Variants in OSCP1 observed in about 807,000 individuals in gnomAD.
OSCP1 encodes protein OSCP1.
OSCP1 carries 35 observed loss-of-function variants against 45.1 expected under a neutral mutation model. That is an observed-to-expected ratio of 0.78 (90% CI 0.59 to 1.03). OSCP1 has a LOEUF of 1.03. OSCP1 is among the 50% of genes least tolerant of loss of function. OSCP1 has a pLI of 0.00. For synonymous variants in OSCP1, 179 were observed against 180.1 expected (o/e 0.99, Z 0.05); for missense variants, 400 against 470.7 (o/e 0.85, Z 1.39).
chr1:36,423,561 G>A, intron 4 of OSCP1, 95 bp from the exon 5 acceptor site: 1 of 957,488 alleles, frequency 1.0e-6, no homozygotes, highest in South Asian at 1.5e-5. Flanking sequence ...TTGGGAACAT[G>A]ACCTATGAGT....
intron 1 of OSCP1, chr1:36,439,119 A>C (rs6702784): frequency 0.051 from 22,719 of 448,010 alleles, 723 homozygotes; most frequent in Middle Eastern, 0.11. Flanking sequence ...ATTTCAGGGA[A>C]GACATAAATG....
intron 2 of OSCP1, among the ~76,000 whole-genome samples, chr1:36,438,317 CA>C (rs35430845): frequency 0.27 from 19,534 of 73,286 alleles, 1,305 homozygotes; most frequent in South Asian, 0.41. Context: ...AACTCCATCT[CA>C]AAAAAAAAAA....
At position 36,418,274 on chromosome 1, in the gene OSCP1, G is replaced by T. The variant is rs1240578753; in HGVS notation, c.1024-19C>A. 6.2e-7 allele frequency: 1 copy of T among 1,612,822 alleles called. No individual in the cohort carries two copies. The highest frequency in any genetic ancestry group is 8.5e-7 in the Non-Finnish European group (1 of 1,178,908). On this transcript the variant is annotated intron_variant, in intron 9 of 9. Transcript: ENST00000235532. ...GCTGGTCCTATGAGGGAAATGAGAG[G>T]TAAAAGGGCATGAAGAGGCTGTGCT... is the stretch of plus-strand genomic sequence containing the variant.
intron 4 of OSCP1, chr1:36,428,205 A>AAAG: frequency 1.5e-6 from 2 of 1,357,210 alleles, no homozygotes; most frequent in Non-Finnish European, 1.9e-6. Flanking sequence ...AAAAAAAAAA[A>AAAG]AAAAAGAAAG....
In OSCP1 at chr1:36,445,895, T is replaced by G. The variant is rs961355320; in HGVS notation, c.112+4363A>C. ...ATGCCGGCTAATTTTTTATTTTTAG[T>G]AGAGACGGGGTTTCTCCATGTTGGC... On this transcript the variant is annotated intron_variant, in intron 1 of 9. Transcript: ENST00000235532. Among the ~76,000 whole-genome samples, 179 of 152,082 alleles carry G rather than the reference T, an allele frequency of 1.2e-3. 3 individuals carry two copies. The highest frequency in any genetic ancestry group is 4.2e-4 in the South Asian group (2 of 4,810).
intron 1 of OSCP1, among the ~76,000 whole-genome samples, chr1:36,444,732 C>T (rs1433488697): frequency 9.9e-5 from 15 of 152,150 alleles, no homozygotes; most frequent in Admixed American, 7.9e-4. Flanking sequence ...CTAGAGAAAT[C>T]GGTGAGAATC....
At chr1:36,418,769 A>C (rs1003046987) in intron 9 of OSCP1, among the ~76,000 whole-genome samples, 5 of 151,868 alleles carry the variant, frequency 3.3e-5, no homozygotes, top group African/African-American at 4.8e-5. Context: ...ATACAAAAAA[A>C]AAAAAAAAAT....
At chr1:36,441,531 G>T (rs1032810103) in intron 1 of OSCP1, among the ~76,000 whole-genome samples, 10 of 149,324 alleles carry the variant, frequency 6.7e-5, no homozygotes, top group Non-Finnish European at 1.2e-4. Context: ...GGCGGATCAC[G>T]AAGTCAGGAG....
chr1:36,418,979 C>T lies in OSCP1; in HGVS notation c.1023+12G>A, dbSNP rs1157535847. ...GAATACGATTGGACCCTGTGTTATC[C>T]CCTGTACGTACCTGGGTGGCTTGTA... On this transcript the variant is annotated intron_variant, in intron 9 of 9. Transcript: ENST00000235532. The T allele has an allele frequency of 6.9e-6, 11 of 1,587,722 alleles. No individual in the cohort carries two copies. The highest frequency in any genetic ancestry group is 4.5e-5 in the East Asian group (2 of 44,744).
rs149754638 is a variant in OSCP1 at position 36,422,041 on chromosome 1, G to C, written c.819+109C>G. 1.0e-4 allele frequency: 106 copies of C among 1,052,230 alleles called. 1 individual carries two copies. In the African/African-American group the frequency reaches 1.4e-3, roughly 14 times the overall value. 65.2% of individuals were successfully genotyped at this position (1,052,230 alleles called of 1,614,324 possible). The stretch of plus-strand genomic sequence containing the variant: ...GGAATGGAGAAGATTGCACACAACA[G>C]GGGAAATGTTGGCTAGATCCGAAAT... On this transcript the variant is annotated intron_variant, in intron 7 of 9. Transcript: ENST00000235532.
intron 2 of OSCP1, among the ~76,000 whole-genome samples, chr1:36,436,794 T>G (rs1476595622): frequency 1.3e-5 from 2 of 152,190 alleles, no homozygotes; most frequent in African/African-American, 4.8e-5. Flanking sequence ...GGACACCACA[T>G]TCTATTCTGC....
intron 4 of OSCP1, chr1:36,428,415 C>A: frequency 6.2e-7 from 1 of 1,614,138 alleles, no homozygotes; most frequent in Non-Finnish European, 8.5e-7. Context: ...TTCCCCACTC[C>A]TGGAAGGCAA....
In OSCP1 at chr1:36,450,270, T is replaced by C. The variant is rs748897051; in HGVS notation, c.100A>G (p.Lys34Glu). The C allele has an allele frequency of 6.2e-7, 1 of 1,613,228 alleles. No individual in the cohort carries two copies. The highest frequency in any genetic ancestry group is 1.3e-5 in the African/African-American group (1 of 74,736). The change falls in exon 1 of 10, where the codon AAG becomes GAG. Residue 34 changes from lysine to glutamate, a missense_variant. Coordinates refer to ENST00000235532, the MANE Select transcript of OSCP1 (RefSeq NM_145047.5). ...RLRAQNIPGD[K>E]ARKVLNDIIS... is the part of the protein sequence containing the mutation. ...GGGGGCCTCTCACCTTTGCGGGCCT[T>C]GTCTCCCGGGATGTTCTGGGCCCGC...
chr1:36,422,307 T>C, intron 6 of OSCP1, 88 bp from the exon 7 acceptor site: 1 of 1,230,636 alleles, frequency 8.1e-7, no homozygotes, highest in South Asian at 1.2e-5. Context: ...TAGCTTTTAT[T>C]CTGAGACATT....
At chr1:36,431,731 C>G (rs1273341434) in intron 4 of OSCP1, 71 bp downstream of exon 4, 2 of 1,480,522 alleles carry the variant, frequency 1.4e-6, no homozygotes, top group Non-Finnish European at 1.9e-6. Flanking sequence ...CTTGTTTGCC[C>G]TCATGACTAC....
chr1:36,435,654 C>CA (rs1648678384), intron 2 of OSCP1, among the ~76,000 whole-genome samples: 1 of 149,866 alleles, frequency 6.7e-6, no homozygotes, highest in Admixed American at 6.7e-5. Flanking sequence ...TGTTTTGAGA[C>CA]AGAGTTTTGC....
At position 36,422,901 on chromosome 1, in the gene OSCP1, A is replaced by C; in HGVS notation, c.621-5T>G. ...TCACCTTTGTTGTTGAACATTCTAC[A>C]ATACAAAGTATGACATGATGGAATG... On this transcript the variant is annotated splice_region_variant and splice_polypyrimidine_tract_variant and intron_variant, in intron 5 of 9. Transcript: ENST00000235532. 6.3e-7 allele frequency: 1 copy of C among 1,589,932 alleles called. No individual in the cohort carries two copies. Among genetic ancestry groups the C allele is most frequent in the Non-Finnish European group, 8.6e-7 (1 of 1,167,492 alleles).
chr1:36,441,654 G>A (rs1649167963), intron 1 of OSCP1, among the ~76,000 whole-genome samples: 1 of 150,500 alleles, frequency 6.6e-6, no homozygotes, highest in Admixed American at 6.6e-5. Flanking sequence ...GGGAGGCTGA[G>A]GCAGGAGAAT....
At chr1:36,432,350 T>C in intron 3 of OSCP1, 72 bp downstream of exon 3, 2 of 1,520,460 alleles carry the variant, frequency 1.3e-6, no homozygotes, top group Non-Finnish European at 9.0e-7. Context: ...CTGTCATAGA[T>C]CTACCTGTTC....
Sources: allele counts gnomAD v4.1 joint callset (sites outside exome capture counted in the v4.1 genomes callset), GRCh38; gene constraint gnomAD v4.1.1; transcripts MANE v1.5; gene names NCBI Gene and HGNC (gene_info 2026-07-23, HGNC 2026-07-21).